The following COL26A1 variants were observed in gnomAD, a reference collection of about 807,000 sequenced individuals.
The protein encoded by COL26A1 is collagen alpha-1(XXVI) chain.
A neutral mutation model predicts 59.3 loss-of-function variants in COL26A1; 41 were observed. That is an observed-to-expected ratio of 0.69 (90% CI 0.54 to 0.90). The LOEUF (loss-of-function observed/expected upper bound fraction) is 0.90, where lower values mean the gene tolerates loss of function less well. COL26A1 is among the 40% of genes least tolerant of loss of function. The probability of loss-of-function intolerance (pLI) is 0.00; values close to 1 mark genes in which losing one functional copy is unlikely to be tolerated. For synonymous variants in COL26A1, 266 were observed against 256.0 expected (o/e 1.04, Z -0.37); for missense variants, 612 against 602.3 (o/e 1.02, Z -0.17).
intron 1 of COL26A1, among the ~76,000 whole-genome samples, chr7:101,392,657 C>T (rs562157536): frequency 1.3e-4 from 20 of 152,086 alleles, no homozygotes; most frequent in Non-Finnish European, 2.8e-4. Flanking sequence ...CCGCCTCAGC[C>T]TCCCAAAGTG....
chr7:101,409,910 A>G (rs932788803), intron 1 of COL26A1, among the ~76,000 whole-genome samples: 1 of 152,026 alleles, frequency 6.6e-6, no homozygotes, highest in African/African-American at 2.4e-5. Context: ...ACAGGTGCCC[A>G]CCACCACGCC....
intron 1 of COL26A1, among the ~76,000 whole-genome samples, chr7:101,385,367 G>GTGTATATATATATATATATA (rs896826101): frequency 3.5e-4 from 48 of 137,012 alleles, no homozygotes; most frequent in Admixed American, 6.7e-4. Context: ...ATATATGTGT[G>GTGTATATATATATATATATA]TATATATATA....
chr7:101,410,352 C>T (rs1447512970), intron 1 of COL26A1, among the ~76,000 whole-genome samples: 1 of 152,120 alleles, frequency 6.6e-6, no homozygotes, highest in East Asian at 1.9e-4. Flanking sequence ...ATAGTGGGTT[C>T]TTGTTTTACC....
At chr7:101,429,170 C>T (rs1349361081) in intron 2 of COL26A1, among the ~76,000 whole-genome samples, 2 of 152,184 alleles carry the variant, frequency 1.3e-5, no homozygotes, top group East Asian at 3.9e-4. Flanking sequence ...GTGATCCATC[C>T]ACCTCAGCCT....
At chr7:101,377,031 G>A (rs545883738) in intron 1 of COL26A1, among the ~76,000 whole-genome samples, 4 of 152,050 alleles carry the variant, frequency 2.6e-5, no homozygotes, top group Admixed American at 2.0e-4. Context: ...GCTAACTGTT[G>A]TATGTTTAGT....
At position 101,544,067 on chromosome 7, in the gene COL26A1, CAG is replaced by C; in HGVS notation, c.675_676del (p.Gly226ArgfsTer119). ...GGGTCTAAAGGTGACCGAGGCCAGACAGGAGAGAAGGGTCCAGCGGGGCCGCC... is the reference window on the plus strand; with the variant it reads ...GGGTCTAAAGGTGACCGAGGCCAGACGAGAGAAGGGTCCAGCGGGGCCGCC... On this transcript the variant is annotated frameshift_variant, in exon 6 of 13. Transcript: ENST00000313669. LOFTEE classifies it high-confidence loss of function. 6.2e-7 allele frequency: 1 copy of C among 1,606,582 alleles called. No individual in the cohort carries two copies.
chr7:101,437,011 T>C (rs1792932248), intron 2 of COL26A1, among the ~76,000 whole-genome samples: 1 of 152,118 alleles, frequency 6.6e-6, no homozygotes, highest in South Asian at 2.1e-4. Flanking sequence ...ACTCCCAGAC[T>C]GAGACTGCAT....
At chr7:101,465,736 G>A (rs912268115) in intron 3 of COL26A1, among the ~76,000 whole-genome samples, 2 of 150,952 alleles carry the variant, frequency 1.3e-5, no homozygotes, top group Admixed American at 1.3e-4. Context: ...AACAAAGGAA[G>A]TGCTCTCGGC....
At chr7:101,387,768 A>C in intron 1 of COL26A1, among the ~76,000 whole-genome samples, 1 of 36,486 alleles carries the variant, frequency 2.7e-5, no homozygotes, top group South Asian at 1.4e-3. Context: ...ATATATATAT[A>C]TATATATATA....
At chr7:101,467,559 A>T (rs1793793630) in intron 3 of COL26A1, among the ~76,000 whole-genome samples, 2 of 151,628 alleles carry the variant, frequency 1.3e-5, no homozygotes, top group East Asian at 3.9e-4. Context: ...TCCTGTACAC[A>T]TGGTTGACAA....
At chr7:101,378,441 G>A (rs1247698983) in intron 1 of COL26A1, among the ~76,000 whole-genome samples, 1 of 152,120 alleles carries the variant, frequency 6.6e-6, no homozygotes. Flanking sequence ...AGAATCGCTT[G>A]AACCGGGGAG....
At chr7:101,392,589 A>G (rs1422834397) in intron 1 of COL26A1, among the ~76,000 whole-genome samples, 1 of 151,650 alleles carries the variant, frequency 6.6e-6, no homozygotes, top group African/African-American at 2.4e-5. Context: ...TTTAGTAGAG[A>G]TGGGGTTTCA....
At chr7:101,523,726 C>T (rs113630568) in intron 3 of COL26A1, among the ~76,000 whole-genome samples, 1 of 151,916 alleles carries the variant, frequency 6.6e-6, no homozygotes, top group Admixed American at 6.6e-5. Flanking sequence ...TTGTACCATC[C>T]ATCTGTCTCG....
At chr7:101,545,554 C>A in intron 7 of COL26A1, 64 bp downstream of exon 7, 1 of 1,513,892 alleles carries the variant, frequency 6.6e-7, no homozygotes. Flanking sequence ...GAGGGATCAG[C>A]CTTCCTTAAA....
At chr7:101,486,451 T>C (rs1439533545) in intron 3 of COL26A1, among the ~76,000 whole-genome samples, 1 of 152,190 alleles carries the variant, frequency 6.6e-6, no homozygotes, top group African/African-American at 2.4e-5. Context: ...AGGTCAGACT[T>C]GCACAGGCAG....
chr7:101,533,748 C>T (rs6972468), intron 4 of COL26A1, among the ~76,000 whole-genome samples: 17,326 of 152,188 alleles, frequency 0.11, 1,213 homozygotes, highest in Middle Eastern at 0.22. Context: ...CTCCATCCCA[C>T]GCTCCCTCTG....
intron 1 of COL26A1, among the ~76,000 whole-genome samples, chr7:101,384,601 A>T (rs1280279652): frequency 6.6e-6 from 1 of 152,178 alleles, no homozygotes; most frequent in East Asian, 1.9e-4. Flanking sequence ...GATTACAGGC[A>T]TGAGCTATTG....
chr7:101,497,343 C>T (rs1189847640), intron 3 of COL26A1, among the ~76,000 whole-genome samples: 3 of 152,164 alleles, frequency 2.0e-5, no homozygotes, highest in South Asian at 2.1e-4. Context: ...ATGTACTGAG[C>T]ACCTTGAAAC....
intron 3 of COL26A1, among the ~76,000 whole-genome samples, chr7:101,466,381 C>T (rs1053618651): frequency 9.9e-5 from 15 of 152,068 alleles, no homozygotes; most frequent in Admixed American, 3.3e-4. Context: ...CCGACCTGCC[C>T]AGCACTAGGC....
Sources: gnomAD v4.1 joint callset for allele counts (sites outside exome capture counted in the v4.1 genomes callset) on GRCh38, gnomAD v4.1.1 for gene constraint, MANE v1.5 for transcripts, NCBI Gene and HGNC (gene_info 2026-07-23, HGNC 2026-07-21) for gene names.